Variants in FAM117B observed in about 807,000 individuals in gnomAD.
FAM117B encodes the protein family with sequence similarity 117 member B.
In FAM117B, 22 loss-of-function variants were observed where a neutral mutation model predicts 52.8. The observed-to-expected ratio is 0.42, with a 90% CI of 0.30 to 0.59. The LOEUF (loss-of-function observed/expected upper bound fraction) is 0.59, where lower values mean the gene tolerates loss of function less well. Ranked by LOEUF, FAM117B falls within the 20% of genes least tolerant of loss-of-function variation. The probability of loss-of-function intolerance (pLI) is 0.22; values close to 1 mark genes in which losing one functional copy is unlikely to be tolerated. For synonymous variants in FAM117B, 309 were observed against 324.1 expected (o/e 0.95, Z 0.50); for missense variants, 678 against 802.6 (o/e 0.84, Z 1.88).
chr2:202,719,334 A>G (rs1029787102), intron 2 of FAM117B, among the ~76,000 whole-genome samples: 1 of 152,194 alleles, frequency 6.6e-6, no homozygotes, highest in Admixed American at 6.5e-5. Context: ...TAATAAATCT[A>G]TGGGAATCTT....
intron 1 of FAM117B, among the ~76,000 whole-genome samples, chr2:202,663,884 C>T (rs1357259342): frequency 6.6e-6 from 1 of 152,012 alleles, no homozygotes; most frequent in South Asian, 2.1e-4. Flanking sequence ...GCGCCCAGCC[C>T]CATTAAGCTT....
At chr2:202,696,879 G>A (rs1439518337) in intron 2 of FAM117B, among the ~76,000 whole-genome samples, 1 of 152,136 alleles carries the variant, frequency 6.6e-6, no homozygotes, top group Non-Finnish European at 1.5e-5. Context: ...ACCAACCTGG[G>A]CAGCATGGCG....
chr2:202,756,012 T>A (rs1156399636), intron 5 of FAM117B, among the ~76,000 whole-genome samples: 2 of 152,234 alleles, frequency 1.3e-5, no homozygotes, highest in Non-Finnish European at 2.9e-5. Context: ...GGGCAGAAGT[T>A]TACATGACAT....
chr2:202,764,328 G>C (rs76399188), intron 7 of FAM117B, among the ~76,000 whole-genome samples: 2 of 151,986 alleles, frequency 1.3e-5, no homozygotes, highest in Non-Finnish European at 2.9e-5. Flanking sequence ...GCAGTGGCCC[G>C]ATTATGGCTC....
intron 2 of FAM117B, among the ~76,000 whole-genome samples, chr2:202,723,397 T>C (rs1249874304): frequency 6.6e-6 from 1 of 152,140 alleles, no homozygotes; most frequent in East Asian, 1.9e-4. Context: ...ACACTAAGGG[T>C]CTTTTTCCCC....
chr2:202,747,423 A>G (rs1170648203), intron 4 of FAM117B, among the ~76,000 whole-genome samples: 1 of 152,164 alleles, frequency 6.6e-6, no homozygotes, highest in Non-Finnish European at 1.5e-5. Flanking sequence ...GGTCCTAGCC[A>G]GAGCAACCAG....
In FAM117B at chr2:202,759,213, TA is replaced by T. The variant is rs1691845277; in HGVS notation, c.1331-18del. 6.2e-7 allele frequency: 1 copy of T among 1,613,290 alleles called. No individual in the cohort carries two copies. The highest frequency in any genetic ancestry group is 8.5e-7 in the Non-Finnish European group (1 of 1,179,748). On this transcript the variant is annotated intron_variant, in intron 6 of 7. Transcript: ENST00000392238. Reference sequence around the variant, plus strand: ...ATGACTATACATTTATGTAGTAATCTAATGTGTCATTTCTTGCAGAGAATGG... The same window carrying T: ...ATGACTATACATTTATGTAGTAATCTATGTGTCATTTCTTGCAGAGAATGG...
chr2:202,739,401 TTCTG>T lies in FAM117B; in HGVS notation c.960+13046_960+13049del, dbSNP rs945857681. Among the ~76,000 whole-genome samples, 117 of 151,404 alleles carry T rather than the reference TTCTG, an allele frequency of 7.7e-4. 1 individual carries two copies. Among genetic ancestry groups the T allele is most frequent in the African/African-American group, 2.5e-3 (105 of 41,444 alleles). ...CTTTTCCTTCCCTTTCCGTCTGTCTTTCTGTCTGTCTTCCTGTCTGTCTGTCTGT... is the reference window on the plus strand; with the variant it reads ...CTTTTCCTTCCCTTTCCGTCTGTCTTTCTGTCTTCCTGTCTGTCTGTCTGT... On this transcript the variant is annotated intron_variant, in intron 4 of 7. Coordinates refer to ENST00000392238, the MANE Select transcript of FAM117B (RefSeq NM_173511.4).
chr2:202,661,656 C>G (rs1391546318), intron 1 of FAM117B, among the ~76,000 whole-genome samples: 1 of 152,124 alleles, frequency 6.6e-6, no homozygotes, highest in African/African-American at 2.4e-5. Context: ...TGGCTCACAC[C>G]TGCAATCCTA....
At chr2:202,697,819 G>A (rs1559104613) in intron 2 of FAM117B, among the ~76,000 whole-genome samples, 1 of 151,760 alleles carries the variant, frequency 6.6e-6, no homozygotes, top group Non-Finnish European at 1.5e-5. Context: ...CAAAGTGCTG[G>A]GATTACAGGT....
At chr2:202,661,360 A>G (rs566977674) in intron 1 of FAM117B, among the ~76,000 whole-genome samples, 31 of 152,336 alleles carry the variant, frequency 2.0e-4, no homozygotes, top group African/African-American at 7.5e-4. Flanking sequence ...AAATAGTAAA[A>G]CTGTAAAAAT....
chr2:202,713,646 T>C (rs1690990856), intron 2 of FAM117B, among the ~76,000 whole-genome samples: 2 of 152,190 alleles, frequency 1.3e-5, no homozygotes, highest in Non-Finnish European at 2.9e-5. Context: ...TAGGCACTTT[T>C]AGCTGTAAAA....
At chr2:202,698,423 C>CT (rs986064267) in intron 2 of FAM117B, among the ~76,000 whole-genome samples, 5 of 151,460 alleles carry the variant, frequency 3.3e-5, no homozygotes, top group Non-Finnish European at 5.9e-5. Flanking sequence ...CTGAAATTGA[C>CT]TTTTTTTTTC....
At chr2:202,664,956 A>G (rs1690180619) in intron 1 of FAM117B, among the ~76,000 whole-genome samples, 1 of 152,192 alleles carries the variant, frequency 6.6e-6, no homozygotes, top group South Asian at 2.1e-4. Context: ...TTTTCTGCTC[A>G]GGGTCTCAAA....
At chr2:202,744,084 T>TCAAAAGACAGAAGA (rs1172953328) in intron 4 of FAM117B, among the ~76,000 whole-genome samples, 1 of 152,212 alleles carries the variant, frequency 6.6e-6, no homozygotes, top group Non-Finnish European at 1.5e-5. Flanking sequence ...AGTCAAACTG[T>TCAAAAGACAGAAGA]CAAAAGTCAA....
chr2:202,742,208 C>T (rs1191370576), intron 4 of FAM117B, among the ~76,000 whole-genome samples: 1 of 152,092 alleles, frequency 6.6e-6, no homozygotes, highest in Non-Finnish European at 1.5e-5. Flanking sequence ...ACGTAAAGCT[C>T]ATAGGGAAAA....
chr2:202,737,961 T>C (rs922039177), intron 4 of FAM117B, among the ~76,000 whole-genome samples: 1 of 152,222 alleles, frequency 6.6e-6, no homozygotes, highest in African/African-American at 2.4e-5. Flanking sequence ...ACAATGTAGC[T>C]ATTGATATTA....
intron 1 of FAM117B, among the ~76,000 whole-genome samples, chr2:202,657,082 AATTTT>A (rs1574544004): frequency 1.3e-5 from 2 of 151,824 alleles, no homozygotes; most frequent in Non-Finnish European, 2.9e-5. Context: ...TTTTAATTTT[AATTTT>A]ATTTTATTTA....
intron 1 of FAM117B, among the ~76,000 whole-genome samples, chr2:202,636,541 C>T (rs936519721): frequency 1.3e-5 from 2 of 152,122 alleles, no homozygotes; most frequent in African/African-American, 4.8e-5. Flanking sequence ...TGGAAGCTTT[C>T]TTGGGGAAGG....
Sources: gnomAD v4.1 joint callset for allele counts (sites outside exome capture counted in the v4.1 genomes callset) on GRCh38, gnomAD v4.1.1 for gene constraint, MANE v1.5 for transcripts, NCBI Gene and HGNC (gene_info 2026-07-23, HGNC 2026-07-21) for gene names.